DMD: variants seen among roughly 807,000 people sequenced by gnomAD.
The protein encoded by DMD is mutant dystrophin.
Under a neutral mutation model 330.1 loss-of-function variants are expected in DMD, and 63 were observed. The ratio of observed to expected loss-of-function variants is 0.19; its 90% CI spans 0.16 to 0.24. The LOEUF (loss-of-function observed/expected upper bound fraction) is 0.24, where lower values mean the gene tolerates loss of function less well. DMD is among the 10% of genes least tolerant of loss of function. The pLI, the probability that DMD is intolerant of heterozygous loss-of-function variation, is 1.00. For synonymous variants in DMD, 1,223 were observed against 959.8 expected (o/e 1.27, Z -5.07); for missense variants, 3,344 against 2,684.1 (o/e 1.25, Z -5.43).
At chrX:32,507,862 G>A (rs1002183274) in intron 18 of DMD, among the ~76,000 whole-genome samples, 1 of 110,950 alleles carries the variant, frequency 9.0e-6, no homozygotes, top group African/African-American at 3.3e-5. Context: ...AGATTAAATC[G>A]TATATCAAAG....
chrX:32,903,307 C>T (rs964148083), intron 2 of DMD, among the ~76,000 whole-genome samples: 9 of 106,816 alleles, frequency 8.4e-5, no homozygotes, highest in Non-Finnish European at 1.7e-4. Flanking sequence ...GAAACAAAGA[C>T]TTTTGAATAA....
intron 7 of DMD, among the ~76,000 whole-genome samples, chrX:32,747,187 A>G (rs765936879): frequency 1.8e-5 from 2 of 112,647 alleles, no homozygotes; most frequent in African/African-American, 6.4e-5. Context: ...CAAGTTTGAG[A>G]ACCTCTAATT....
intron 7 of DMD, among the ~76,000 whole-genome samples, chrX:32,740,185 G>A (rs2069059397): frequency 9.1e-6 from 1 of 109,977 alleles, no homozygotes; most frequent in African/African-American, 3.3e-5. Flanking sequence ...CCTTCTCTCA[G>A]CCCAGGTCCT....
chrX:32,290,267 C>T (rs2097461224), intron 42 of DMD, among the ~76,000 whole-genome samples: 1 of 112,331 alleles, frequency 8.9e-6, no homozygotes, highest in African/African-American at 3.2e-5. Flanking sequence ...CCAGCAATCA[C>T]TCTTTATTCC....
At position 31,476,385 on chromosome X, in the gene DMD, A is replaced by ATG. The variant is rs754890255; in HGVS notation, c.8937+1719_8937+1720dup. 6.1e-4 allele frequency among the ~76,000 whole-genome samples: 56 copies of ATG among 91,858 alleles called. 1 individual carries two copies. Among genetic ancestry groups the ATG allele is most frequent in the South Asian group, 3.3e-3 (6 of 1,840 alleles). The allele number at this position is 91,858 out of a possible 115,157, so 79.8% of individuals were successfully genotyped here. A position where few individuals can be genotyped will look rare whatever the true frequency, so the allele number is the denominator to read the frequency against. ...ATACTATGTATATATCTAACTATGT[A>ATG]TGTGTGTGTGTGTATATATATATAT... On this transcript the variant is annotated intron_variant, in intron 59 of 78. Transcript: ENST00000357033.
At chrX:33,118,262 T>C (rs5927145) in intron 1 of DMD, among the ~76,000 whole-genome samples, 43,614 of 105,242 alleles carry the variant, frequency 0.41, 7,943 homozygotes, top group Non-Finnish European at 0.53. Flanking sequence ...AGGCGCCCGC[T>C]ACCACGCCCG....
chrX:31,323,623 G>A lies in DMD; in HGVS notation c.9199C>T (p.Pro3067Ser). The A allele has an allele frequency of 1.7e-6, 2 of 1,210,382 alleles. No homozygotes were observed. Among genetic ancestry groups the A allele is most frequent in the Non-Finnish European group, 2.2e-6 (2 of 894,638 alleles). ...TTGATATAGTAGGGCACTTTGTTTG[G>A]CGAGATGGCTCTCTCCCAGGGACCC... ...VQGPWERAIS[P>S]NKVPYYINHE... is the part of the protein sequence containing the mutation. The change falls in exon 62 of 79, where the codon CCA (proline) becomes TCA (serine). Residue 3067 changes from proline to serine, a missense_variant. Physicochemically the swap from Pro to Ser is moderately conservative, Grantham distance 74. Coordinates refer to ENST00000357033, the MANE Select transcript of DMD (RefSeq NM_004006.3).
chrX:32,071,301 T>C (rs1330771174), intron 44 of DMD, among the ~76,000 whole-genome samples: 1 of 110,070 alleles, frequency 9.1e-6, no homozygotes, highest in Non-Finnish European at 1.9e-5. Context: ...AGTGTTCCTG[T>C]TTCTCCACAT....
At chrX:32,902,310 C>G (rs901577802) in intron 2 of DMD, among the ~76,000 whole-genome samples, 1 of 109,969 alleles carries the variant, frequency 9.1e-6, no homozygotes, top group African/African-American at 3.4e-5. Context: ...ATAGTTCCAG[C>G]AGAAAGCGAG....
intron 1 of DMD, among the ~76,000 whole-genome samples, chrX:33,152,230 C>T (rs898759506): frequency 1.8e-5 from 2 of 109,277 alleles, no homozygotes; most frequent in African/African-American, 3.3e-5. Context: ...AGTGCAGTGG[C>T]CCAATCTTGG....
At chrX:31,212,162 A>G (rs867271788) in intron 64 of DMD, among the ~76,000 whole-genome samples, 1,617 of 85,470 alleles carry the variant, frequency 0.019, 36 homozygotes, top group African/African-American at 0.063. Flanking sequence ...ATATATATAT[A>G]TATATGTGTG....
intron 11 of DMD, among the ~76,000 whole-genome samples, chrX:32,637,006 G>A (rs1422824641): frequency 3.7e-5 from 4 of 109,439 alleles, no homozygotes; most frequent in East Asian, 2.9e-4. Flanking sequence ...AAAAAAAAAA[G>A]AAAAAGAAAA....
At chrX:32,890,564 C>A (rs890365820) in intron 2 of DMD, among the ~76,000 whole-genome samples, 2 of 110,888 alleles carry the variant, frequency 1.8e-5, no homozygotes, top group Admixed American at 1.9e-4. Context: ...CTATCCAACT[C>A]CAAAAGAAAC....
chrX:32,823,853 C>T (rs967216470), intron 4 of DMD, among the ~76,000 whole-genome samples: 1 of 111,366 alleles, frequency 9.0e-6, no homozygotes, highest in Non-Finnish European at 1.9e-5. Context: ...TCTCTTATCT[C>T]TGTCTAGGAC....
chrX:31,435,748 T>G (rs770899056), intron 60 of DMD: 2 of 111,609 alleles, frequency 1.8e-5, no homozygotes, highest in African/African-American at 6.5e-5. Context: ...GGGTATGATG[T>G]AGCATGGGAA....
intron 1 of DMD, among the ~76,000 whole-genome samples, chrX:33,199,749 C>T (rs762529552): frequency 9.0e-6 from 1 of 111,443 alleles, no homozygotes; most frequent in Non-Finnish European, 1.9e-5. Flanking sequence ...AGAGGATCAG[C>T]CTGCAATGCA....
At chrX:31,617,267 G>A (rs1283518563) in intron 55 of DMD, among the ~76,000 whole-genome samples, 1 of 111,809 alleles carries the variant, frequency 8.9e-6, no homozygotes, top group Non-Finnish European at 1.9e-5. Flanking sequence ...TGGTGTGGTG[G>A]CTCACACCTG....
chrX:32,512,597 A>C (rs1156264849), intron 18 of DMD, among the ~76,000 whole-genome samples: 3 of 112,704 alleles, frequency 2.7e-5, no homozygotes, highest in African/African-American at 9.7e-5. Context: ...AATGGAATTG[A>C]AATGAAAATG....
chrX:31,950,855 T>C (rs1333946873), intron 45 of DMD, among the ~76,000 whole-genome samples: 3 of 108,241 alleles, frequency 2.8e-5, no homozygotes, highest in East Asian at 2.9e-4. Context: ...TGAAATTATA[T>C]GGTTTTGGCT....
Sources: allele counts gnomAD v4.1 joint callset (sites outside exome capture counted in the v4.1 genomes callset), GRCh38; gene constraint gnomAD v4.1.1; transcripts MANE v1.5; gene names NCBI Gene and HGNC (gene_info 2026-07-23, HGNC 2026-07-21).